The following ADGRB3 variants were observed in gnomAD, a reference collection of about 807,000 sequenced individuals.
ADGRB3 encodes the protein brain-specific angiogenesis inhibitor 3.
In ADGRB3, 37 loss-of-function variants were observed where a neutral mutation model predicts 193.4. The ratio of observed to expected loss-of-function variants is 0.19; its 90% CI spans 0.15 to 0.25. The LOEUF is 0.25. Ranked by LOEUF, ADGRB3 falls within the 10% of genes least tolerant of loss-of-function variation. The pLI is 1.00. For missense variants in ADGRB3, 1,637 were observed against 1,852.9 expected (o/e 0.88, Z 2.14); for synonymous variants, 690 against 644.2 (o/e 1.07, Z -1.08).
chr6:69,253,879 A>T (rs1454172411), intron 20 of ADGRB3, among the ~76,000 whole-genome samples: 1 of 152,068 alleles, frequency 6.6e-6, no homozygotes, highest in Non-Finnish European at 1.5e-5. Flanking sequence ...TATTTCTGAG[A>T]TCAAAAACTC....
chr6:69,254,527 C>T (rs146608283), intron 20 of ADGRB3, among the ~76,000 whole-genome samples: 86 of 152,064 alleles, frequency 5.7e-4, no homozygotes, highest in Non-Finnish European at 1.1e-3. Context: ...TGTAGCATAA[C>T]TATCTTTATG....
chr6:68,878,966 A>G (rs1198001390), intron 3 of ADGRB3, among the ~76,000 whole-genome samples: 7 of 152,128 alleles, frequency 4.6e-5, no homozygotes, highest in Non-Finnish European at 2.9e-5. Flanking sequence ...ACAGCACAGG[A>G]AAGACCTGTG....
chr6:69,253,618 T>C (rs1766676718), intron 20 of ADGRB3, among the ~76,000 whole-genome samples: 2 of 152,200 alleles, frequency 1.3e-5, no homozygotes, highest in South Asian at 2.1e-4. Context: ...ATTAGGAGTT[T>C]ATGGAGAGAA....
chr6:69,143,995 G>T (rs912977695), intron 17 of ADGRB3, among the ~76,000 whole-genome samples: 4 of 152,084 alleles, frequency 2.6e-5, no homozygotes, highest in Admixed American at 6.6e-5. Flanking sequence ...TAACAATATT[G>T]ATTCTTCCAA....
intron 3 of ADGRB3, among the ~76,000 whole-genome samples, chr6:68,708,391 T>C (rs950662181): frequency 2.6e-5 from 4 of 152,192 alleles, no homozygotes; most frequent in Non-Finnish European, 4.4e-5. Context: ...TCCTGGACCC[T>C]GTGCCTCCCA....
chr6:68,674,388 C>T (rs1374814328), intron 3 of ADGRB3, among the ~76,000 whole-genome samples: 1 of 152,060 alleles, frequency 6.6e-6, no homozygotes, highest in East Asian at 1.9e-4. Flanking sequence ...AAATATTATA[C>T]ATTAAAAATG....
At chr6:69,011,731 G>A (rs937850822) in intron 11 of ADGRB3, among the ~76,000 whole-genome samples, 1 of 152,038 alleles carries the variant, frequency 6.6e-6, no homozygotes, top group Admixed American at 6.6e-5. Context: ...TTAAATATCT[G>A]CTATGAGCAA....
At chr6:68,922,548 G>C (rs978665873) in intron 3 of ADGRB3, among the ~76,000 whole-genome samples, 17 of 152,146 alleles carry the variant, frequency 1.1e-4, no homozygotes, top group African/African-American at 3.4e-4. Flanking sequence ...GCTTGACCAG[G>C]TCTTCTACAA....
chr6:68,883,154 A>C (rs1765781959), intron 3 of ADGRB3, among the ~76,000 whole-genome samples: 1 of 152,296 alleles, frequency 6.6e-6, no homozygotes, highest in African/African-American at 2.4e-5. Context: ...CACCCTGTCT[A>C]TCTCAAGGTT....
chr6:68,756,415 G>A (rs1309247068), intron 3 of ADGRB3, among the ~76,000 whole-genome samples: 2 of 152,154 alleles, frequency 1.3e-5, no homozygotes, highest in Admixed American at 6.5e-5. Context: ...ATCCAAGGGG[G>A]AACTGTGTGT....
intron 17 of ADGRB3, among the ~76,000 whole-genome samples, chr6:69,232,844 T>C (rs1766173973): frequency 6.6e-6 from 1 of 152,204 alleles, no homozygotes; most frequent in Non-Finnish European, 1.5e-5. Flanking sequence ...ATCCGCATTT[T>C]AAAAGCCAGC....
intron 3 of ADGRB3, among the ~76,000 whole-genome samples, chr6:68,658,349 A>G (rs1768538013): frequency 6.6e-6 from 1 of 151,336 alleles, no homozygotes; most frequent in Non-Finnish European, 1.5e-5. Context: ...TTGTAACTAT[A>G]GGACGTTTCA....
intron 23 of ADGRB3, 120 bp from the exon 24 acceptor site, chr6:69,332,803 C>G: frequency 6.8e-7 from 1 of 1,464,198 alleles, no homozygotes; most frequent in Non-Finnish European, 9.0e-7. Context: ...TTTGAGAGTG[C>G]TTCATACCAC....
chr6:69,003,944 G>T (rs1769663525), intron 11 of ADGRB3, among the ~76,000 whole-genome samples: 1 of 152,156 alleles, frequency 6.6e-6, no homozygotes, highest in Non-Finnish European at 1.5e-5. Flanking sequence ...GCTGGTAAAT[G>T]CCATGTGCAG....
intron 17 of ADGRB3, among the ~76,000 whole-genome samples, chr6:69,083,541 T>C (rs953695250): frequency 6.6e-6 from 1 of 152,096 alleles, no homozygotes; most frequent in East Asian, 1.9e-4. Flanking sequence ...ACATGATAGA[T>C]ATACAAATTA....
intron 3 of ADGRB3, among the ~76,000 whole-genome samples, chr6:68,755,994 G>C (rs1054824876): frequency 6.6e-6 from 1 of 152,124 alleles, no homozygotes; most frequent in African/African-American, 2.4e-5. Context: ...AGGAAAAAAT[G>C]CTTCTGCCTT....
chr6:69,136,073 C>G (rs1774140588), intron 17 of ADGRB3, among the ~76,000 whole-genome samples: 1 of 151,888 alleles, frequency 6.6e-6, no homozygotes, highest in Non-Finnish European at 1.5e-5. Context: ...AAATATACCC[C>G]TAGTATGAAT....
chr6:68,815,737 T>C (rs540437), intron 3 of ADGRB3, among the ~76,000 whole-genome samples: 135,047 of 151,972 alleles, frequency 0.89, 60,156 homozygotes, highest in Middle Eastern at 0.94. Flanking sequence ...CAATACATTT[T>C]ACATACACAA....
At chr6:68,826,124 A>C (rs1582233184) in intron 3 of ADGRB3, among the ~76,000 whole-genome samples, 1 of 152,202 alleles carries the variant, frequency 6.6e-6, no homozygotes, top group South Asian at 2.1e-4. Flanking sequence ...AAGTGAGCGA[A>C]ACAGACAAAA....
Sources: gnomAD v4.1 joint callset for allele counts (sites outside exome capture counted in the v4.1 genomes callset) on GRCh38, gnomAD v4.1.1 for gene constraint, MANE v1.5 for transcripts, NCBI Gene and HGNC (gene_info 2026-07-23, HGNC 2026-07-21) for gene names.